Variants in PTPN3 observed in about 807,000 individuals in gnomAD.
The protein encoded by PTPN3 is protein tyrosine phosphatase non-receptor type 3, also known as tyrosine-protein phosphatase non-receptor type 3.
A neutral mutation model predicts 132.7 loss-of-function variants in PTPN3; 96 were observed. The observed-to-expected ratio is 0.72, with a 90% CI of 0.61 to 0.86. The LOEUF is 0.86. PTPN3 is among the 40% of genes least tolerant of loss of function. PTPN3 has a pLI of 0.00. For synonymous variants in PTPN3, 398 were observed against 429.0 expected, an observed-to-expected ratio of 0.93 and a Z score of 0.89; for missense variants, 1,125 against 1,159.6, an observed-to-expected ratio of 0.97 and a Z score of 0.43.
At chr9:109,475,974 C>T (rs188204075) in intron 1 of PTPN3, among the ~76,000 whole-genome samples, 8 of 152,312 alleles carry the variant, frequency 5.3e-5, no homozygotes, top group African/African-American at 1.4e-4. Context: ...CTTACCCCCA[C>T]GAAGCATCAT....
chr9:109,468,300 T>C (rs1229532588), intron 1 of PTPN3, among the ~76,000 whole-genome samples: 6 of 152,234 alleles, frequency 3.9e-5, no homozygotes, highest in Admixed American at 3.9e-4. Flanking sequence ...AAAAATCCAT[T>C]ATAGCTTTAG....
In PTPN3 at chr9:109,488,507, T is replaced by C. The variant is rs534586810; in HGVS notation, c.-18+9712A>G. Among the ~76,000 whole-genome samples the C allele has an allele frequency of 3.3e-5, 5 of 152,304 alleles. No homozygotes were observed. The South Asian group carries it at 8.3e-4, about 25-fold the overall frequency. ...CATTCTAGGAACCGGAACATTCCTT[T>C]ACTAACTGGCTTTTCCATTAAAGCT... is the stretch of plus-strand genomic sequence containing the variant. On this transcript the variant is annotated intron_variant, in intron 1 of 25. Transcript: ENST00000374541.
the PTPN3 span, among the ~76,000 whole-genome samples, chr9:109,524,634 A>T: frequency 3.9e-5 from 6 of 152,262 alleles, no homozygotes; most frequent in Admixed American, 1.3e-4. Flanking sequence ...CTGCATGTGG[A>T]CAAAGCCTTG....
At position 109,457,203 on chromosome 9, in the gene PTPN3, C is replaced by T. The variant is rs1413295712; in HGVS notation, c.259G>A (p.Ala87Thr). Residue 87 changes from alanine (A) to threonine (T), a missense_variant, in exon 4 of 26, where the codon GCA becomes ACA. Ala to Thr is a moderately conservative substitution (Grantham distance 58). Transcript: ENST00000374541. ...AACTGCTTCCTGATGGCTTTGCTTGCTTCCAGCCATCTCTGTTGGACAAGA... is the reference window on the plus strand; with the variant it reads ...AACTGCTTCCTGATGGCTTTGCTTGTTTCCAGCCATCTCTGTTGGACAAGA... ...DSVDSPRWLE[A>T]SKAIRKQLKG... is the part of the protein sequence containing the mutation. 6.2e-6 allele frequency: 10 copies of T among 1,613,898 alleles called. No homozygotes were observed. Among genetic ancestry groups the T allele is most frequent in the South Asian group, 1.1e-5 (1 of 91,044 alleles).
At chr9:109,413,292 C>A (rs1842221352) in intron 14 of PTPN3, among the ~76,000 whole-genome samples, 1 of 152,144 alleles carries the variant, frequency 6.6e-6, no homozygotes, top group African/African-American at 2.4e-5. Flanking sequence ...GGAGGGGTTA[C>A]TCTTAGTCAT....
chr9:109,431,063 T>C (rs746437472), intron 10 of PTPN3, among the ~76,000 whole-genome samples: 26 of 152,352 alleles, frequency 1.7e-4, no homozygotes, highest in Admixed American at 3.9e-4. Context: ...CACCATCTGG[T>C]GCTGGTCTCC....
intron 1 of PTPN3, among the ~76,000 whole-genome samples, chr9:109,477,887 AGCTCCATAAGACTCTT>A (rs1846763220): frequency 6.6e-6 from 1 of 152,170 alleles, no homozygotes; most frequent in South Asian, 2.1e-4. Context: ...AGCAAACTAG[AGCTCCATAAGACTCTT>A]GCTCACTCAC....
At chr9:109,525,338 G>C in the PTPN3 span, among the ~76,000 whole-genome samples, 2 of 152,184 alleles carry the variant, frequency 1.3e-5, no homozygotes, top group East Asian at 3.9e-4. Context: ...GATTACAGGC[G>C]TGAGCCACTG....
intron 1 of PTPN3, among the ~76,000 whole-genome samples, chr9:109,472,101 C>T (rs998585332): frequency 6.6e-6 from 1 of 152,176 alleles, no homozygotes; most frequent in African/African-American, 2.4e-5. Flanking sequence ...ACAGATTTTC[C>T]AGTCTATATG....
intron 20 of PTPN3, 79 bp downstream of exon 20, chr9:109,391,392 A>G (rs1482763719): frequency 3.4e-6 from 5 of 1,461,216 alleles, no homozygotes; most frequent in Non-Finnish European, 4.7e-6. Flanking sequence ...ATCGTTCCAG[A>G]ATACCAGACA....
Position 109,426,945 on chromosome 9 carries a change from C to T in PTPN3, c.1001+5G>A, listed in dbSNP as rs762062420. On this transcript the variant is annotated splice_donor_5th_base_variant and intron_variant, in intron 12 of 25. Coordinates refer to ENST00000374541, the MANE Select transcript of PTPN3 (RefSeq NM_002829.4). The stretch of plus-strand genomic sequence containing the variant: ...GTGTGGACACAGTCTTTACAGCACA[C>T]TCACTTTTTGGTGTTCCGAGAGCCC... 1 of 1,606,714 alleles carries T rather than the reference C, an allele frequency of 6.2e-7. No homozygotes were observed. The highest frequency in any genetic ancestry group is 1.1e-5 in the South Asian group (1 of 90,766).
intron 1 of PTPN3, among the ~76,000 whole-genome samples, chr9:109,496,342 A>G (rs1256635355): frequency 1.3e-5 from 2 of 152,222 alleles, no homozygotes; most frequent in Non-Finnish European, 2.9e-5. Context: ...CTTCCAATAT[A>G]CTTCACATCT....
intron 18 of PTPN3, 31 bp downstream of exon 18, chr9:109,406,431 C>T: frequency 6.2e-7 from 1 of 1,606,254 alleles, no homozygotes; most frequent in Non-Finnish European, 8.5e-7. Context: ...GGACAGCTTC[C>T]CTATGGCTCC....
chr9:109,527,939 A>C, the PTPN3 span, among the ~76,000 whole-genome samples: 1 of 152,186 alleles, frequency 6.6e-6, no homozygotes, highest in Non-Finnish European at 1.5e-5. Flanking sequence ...AATTCAAAAA[A>C]ATAGGCAAAA....
At chr9:109,386,542 G>A (rs953727545) in intron 22 of PTPN3, among the ~76,000 whole-genome samples, 2 of 152,166 alleles carry the variant, frequency 1.3e-5, no homozygotes, top group African/African-American at 4.8e-5. Context: ...TCACACAGGA[G>A]GAGGAGGTAA....
intron 1 of PTPN3, among the ~76,000 whole-genome samples, chr9:109,482,905 C>T (rs911256285): frequency 5.3e-5 from 8 of 152,224 alleles, no homozygotes; most frequent in Non-Finnish European, 1.0e-4. Flanking sequence ...CGTCAGCACT[C>T]GCAGGTGCTA....
At chr9:109,382,265 A>C in intron 24 of PTPN3, 37 bp downstream of exon 24, 1 of 1,605,610 alleles carries the variant, frequency 6.2e-7, no homozygotes, top group Non-Finnish European at 8.5e-7. Context: ...CCGACAGGGA[A>C]AGGATTCCAA....
chr9:109,404,687 A>G, intron 18 of PTPN3, 79 bp from the exon 19 acceptor site: 1 of 1,327,798 alleles, frequency 7.5e-7, no homozygotes, highest in Non-Finnish European at 9.7e-7. Flanking sequence ...AATCACACCT[A>G]TGACACCTGA....
At chr9:109,468,462 G>T (rs1337012456) in intron 1 of PTPN3, among the ~76,000 whole-genome samples, 2 of 152,120 alleles carry the variant, frequency 1.3e-5, no homozygotes, top group African/African-American at 4.8e-5. Context: ...CTCCTCCCGG[G>T]TTCACGCCAT....
Sources: gnomAD v4.1 joint callset for allele counts (sites outside exome capture counted in the v4.1 genomes callset) on GRCh38, gnomAD v4.1.1 for gene constraint, MANE v1.5 for transcripts, NCBI Gene and HGNC (gene_info 2026-07-23, HGNC 2026-07-21) for gene names.